Variants in NOX5 observed in about 807,000 individuals in gnomAD.
NOX5 encodes the protein NADPH oxidase, EF-hand calcium binding domain 5.
Under a neutral mutation model 85.7 loss-of-function variants are expected in NOX5, and 76 were observed. That is an observed-to-expected ratio of 0.89 (90% confidence interval 0.74 to 1.07). NOX5 has a LOEUF of 1.07. Ranked by LOEUF, NOX5 falls within the 50% of genes least tolerant of loss-of-function variation. The probability of loss-of-function intolerance (pLI) is 0.00; values close to 1 mark genes in which losing one functional copy is unlikely to be tolerated. For missense variants in NOX5, 973 were observed against 999.5 expected (o/e 0.97, Z 0.36); for synonymous variants, 405 against 401.4 (o/e 1.01, Z -0.11).
chr15:69,051,234 G>A (rs1454176510), intron 14 of NOX5, among the ~76,000 whole-genome samples: 1 of 152,178 alleles, frequency 6.6e-6, no homozygotes, highest in African/African-American at 2.4e-5. Flanking sequence ...CGGGGCTGTT[G>A]TAGGGCTTAC....
At chr15:69,037,479 A>T (rs2050537635) in intron 8 of NOX5, 1 of 443,578 alleles carries the variant, frequency 2.3e-6, no homozygotes, top group Non-Finnish European at 4.1e-6. Context: ...GTAAGCGTTT[A>T]TTAGTGCCTA....
chr15:69,061,294 T>C lies in NOX5; in HGVS notation c.*4598T>C, dbSNP rs532178273. Reference sequence around the variant, plus strand: ...TGGGCTCTTCAATAAGGGAGGCTCCTATAGTGCCCATTATCAATATGCTGC... The same window carrying C: ...TGGGCTCTTCAATAAGGGAGGCTCCCATAGTGCCCATTATCAATATGCTGC... On this transcript the variant is annotated 3_prime_UTR_variant, in exon 16 of 16. Coordinates refer to ENST00000388866, the MANE Select transcript of NOX5 (RefSeq NM_024505.4). 6.6e-6 allele frequency: 1 copy of C among 152,376 alleles called. No homozygotes were observed. The highest frequency in any genetic ancestry group is 1.9e-4 in the East Asian group (1 of 5,184). 9.4% of individuals were successfully genotyped at this position (152,376 alleles called of 1,614,324 possible).
chr15:69,055,282 G>A (rs1182041382), intron 14 of NOX5, 52 bp from the exon 15 acceptor site: 16 of 1,576,506 alleles, frequency 1.0e-5, no homozygotes, highest in African/African-American at 1.4e-5. Flanking sequence ...CCTGCCCTGC[G>A]CCCATGATGG....
intron 3 of NOX5, 106 bp from the exon 4 acceptor site, chr15:69,031,412 G>A (rs2050427030): frequency 7.8e-7 from 1 of 1,283,068 alleles, no homozygotes; most frequent in Non-Finnish European, 1.1e-6. Context: ...TTTCTGAGCT[G>A]AGGGTGACAT....
At chr15:69,034,343 C>A (rs1253518052) in intron 5 of NOX5, among the ~76,000 whole-genome samples, 1 of 152,138 alleles carries the variant, frequency 6.6e-6, no homozygotes, top group African/African-American at 2.4e-5. Flanking sequence ...TCACATCTTG[C>A]AAAATGGGGT....
At chr15:69,049,954 G>A (rs1345995316) in intron 14 of NOX5, among the ~76,000 whole-genome samples, 1 of 152,164 alleles carries the variant, frequency 6.6e-6, no homozygotes, top group Non-Finnish European at 1.5e-5. Context: ...CATTCCTCCT[G>A]AAAATTTCCT....
In NOX5 at chr15:69,055,221, A is replaced by G. The variant is rs142033087; in HGVS notation, c.2000-113A>G. ...CTGGTTACACAACAGATCCTGGGCA[A>G]AAGACCTATGGGTCTCCTTCCAAGC... On this transcript the variant is annotated intron_variant, in intron 14 of 15. Transcript: ENST00000388866. 1.6e-4 allele frequency: 183 copies of G among 1,178,784 alleles called. 2 individuals carry two copies. The East Asian group carries it at 3.7e-3, about 24-fold the overall frequency. The allele number at this position is 1,178,784 out of a possible 1,614,324, so 73.0% of individuals were successfully genotyped here. A position where few individuals can be genotyped will look rare whatever the true frequency, so the allele number is the denominator to read the frequency against.
In NOX5 at chr15:69,062,574, C is replaced by T. The variant is rs1418956679; in HGVS notation, c.*5878C>T. The T allele has an allele frequency of 6.6e-6, 1 of 152,206 alleles. No homozygotes were observed. Among genetic ancestry groups the T allele is most frequent in the African/African-American group, 2.4e-5 (1 of 41,460 alleles). 9.4% of individuals were successfully genotyped at this position (152,206 alleles called of 1,614,324 possible). ...TTACTTTAAATAGCATCATTTCGTG[C>T]TCCCCCAGGACACTGTGCAGCTTCG... is the stretch of plus-strand genomic sequence containing the variant. On this transcript the variant is annotated 3_prime_UTR_variant, in exon 16 of 16. Coordinates refer to ENST00000388866, the MANE Select transcript of NOX5 (RefSeq NM_024505.4).
chr15:69,046,964 A>G lies in NOX5; in HGVS notation c.1692+98A>G, dbSNP rs934253479. On this transcript the variant is annotated intron_variant, in intron 11 of 15. Coordinates refer to ENST00000388866, the MANE Select transcript of NOX5 (RefSeq NM_024505.4). ...AGGAGGGGCTGTTGTGGTTGTGGGT[A>G]CTCAAGCTCCTCAAATCCTCATGGG... 6 of 1,308,340 alleles carry G rather than the reference A, an allele frequency of 4.6e-6. No homozygotes were observed. The African/African-American group carries it at 8.7e-5, about 19-fold the overall frequency. 81.0% of individuals were successfully genotyped at this position (1,308,340 alleles called of 1,614,324 possible). A position where few individuals can be genotyped will look rare whatever the true frequency, so the allele number is the denominator to read the frequency against.
chr15:69,034,744 T>A (rs2050489416), intron 5 of NOX5, among the ~76,000 whole-genome samples: 1 of 151,964 alleles, frequency 6.6e-6, no homozygotes, highest in South Asian at 2.1e-4. Flanking sequence ...AGAGATATTT[T>A]ATTTATTTAT....
chr15:69,022,961 T>G (rs1489756555), intron 1 of NOX5: 1 of 513,310 alleles, frequency 1.9e-6, no homozygotes, highest in East Asian at 6.0e-5. Context: ...AGCCTTGGTA[T>G]TCCATCTTCA....
At chr15:69,055,588 A>C (rs1168727081) in intron 15 of NOX5, 88 bp downstream of exon 15, 1 of 1,468,084 alleles carries the variant, frequency 6.8e-7, no homozygotes, top group Non-Finnish European at 9.3e-7. Context: ...CCAAGCTGTC[A>C]GGGGCAAAGT....
At chr15:69,033,712 T>TC (rs1312181350) in intron 5 of NOX5, among the ~76,000 whole-genome samples, 14 of 149,908 alleles carry the variant, frequency 9.3e-5, no homozygotes, top group Admixed American at 9.2e-4. Flanking sequence ...TTTTTTTTTT[T>TC]TTTTTGAGAC....
intron 9 of NOX5, among the ~76,000 whole-genome samples, chr15:69,040,355 T>G (rs1208024520): frequency 6.6e-6 from 1 of 152,234 alleles, no homozygotes; most frequent in African/African-American, 2.4e-5. Context: ...TTCAAATAAT[T>G]TTATCCAAGG....
At chr15:69,017,470 A>G (rs961504675) in intron 1 of NOX5, among the ~76,000 whole-genome samples, 10 of 152,182 alleles carry the variant, frequency 6.6e-5, no homozygotes, top group Non-Finnish European at 1.2e-4. Flanking sequence ...CTAAGTCTTT[A>G]GACAAAAACT....
intron 3 of NOX5, chr15:69,029,495 A>C (rs1043471969): frequency 6.6e-6 from 1 of 152,160 alleles, no homozygotes; most frequent in African/African-American, 2.4e-5. Context: ...CCTGCTTTCA[A>C]TTCTTCCGGG....
intron 1 of NOX5, among the ~76,000 whole-genome samples, chr15:69,021,774 G>A (rs1195787785): frequency 1.3e-5 from 2 of 152,060 alleles, no homozygotes; most frequent in Non-Finnish European, 2.9e-5. Context: ...GCCTTTCTCA[G>A]TATTAATGTA....
chr15:69,049,069 G>A lies in NOX5; in HGVS notation c.1999+11G>A, dbSNP rs775795768. On this transcript the variant is annotated intron_variant, in intron 14 of 15. Transcript: ENST00000388866. ...AGGAGGCTCAATACGGTAAGAGAGG[G>A]ACAGGGCCTGAGGGCAGTAGGAGTA... The A allele has an allele frequency of 1.3e-6, 2 of 1,599,104 alleles. No individual in the cohort carries two copies. The highest frequency in any genetic ancestry group is 1.7e-6 in the Non-Finnish European group (2 of 1,169,976).
rs1210880600 is a variant in NOX5 at position 69,062,519 on chromosome 15, C to T, written c.*5823C>T. ...TATTACCTGGCCCTTGCCTACCTCT[C>T]AGGTCTTGGCAATGTCCACCTTGCT... On this transcript the variant is annotated 3_prime_UTR_variant, in exon 16 of 16. Transcript: ENST00000388866. 2.0e-5 allele frequency: 3 copies of T among 152,202 alleles called. No individual in the cohort carries two copies. The highest frequency in any genetic ancestry group is 1.3e-4 in the Admixed American group (2 of 15,288). 9.4% of individuals were successfully genotyped at this position (152,202 alleles called of 1,614,324 possible). A position where few individuals can be genotyped will look rare whatever the true frequency, so the allele number is the denominator to read the frequency against.
Sources: gnomAD v4.1 joint callset for allele counts (sites outside exome capture counted in the v4.1 genomes callset) on GRCh38, gnomAD v4.1.1 for gene constraint, MANE v1.5 for transcripts, NCBI Gene and HGNC (gene_info 2026-07-23, HGNC 2026-07-21) for gene names.